The following PARM1 variants were observed in gnomAD, a reference collection of about 807,000 sequenced individuals.
PARM1 encodes the protein prostate androgen-regulated mucin-like protein 1.
A neutral mutation model predicts 24.6 loss-of-function variants in PARM1; 14 were observed. The observed-to-expected ratio is 0.57, with a 90% CI of 0.38 to 0.89. The LOEUF (loss-of-function observed/expected upper bound fraction) is 0.89. Ranked by LOEUF, PARM1 falls within the 40% of genes least tolerant of loss-of-function variation. The pLI, the probability that PARM1 is intolerant of heterozygous loss-of-function variation, is 0.00. For missense variants in PARM1, 362 were observed against 380.4 expected (o/e 0.95, Z 0.40); for synonymous variants, 179 against 156.6 (o/e 1.14, Z -1.07).
intron 1 of PARM1, among the ~76,000 whole-genome samples, chr4:74,945,053 G>T (rs1335950156): frequency 6.6e-6 from 1 of 152,066 alleles, no homozygotes; most frequent in African/African-American, 2.4e-5. Context: ...GGCAATATTA[G>T]GCAACTGCTT....
chr4:75,013,779 A>C (rs11725966), intron 2 of PARM1, among the ~76,000 whole-genome samples: 3 of 152,028 alleles, frequency 2.0e-5, no homozygotes, highest in Non-Finnish European at 4.4e-5. Flanking sequence ...ATTTTACAAG[A>C]TGTCACATCT....
At position 74,946,447 on chromosome 4, in the gene PARM1, T is replaced by C. The variant is rs1293893807; in HGVS notation, c.43+13077T>C. Among the ~76,000 whole-genome samples, 3 of 152,220 alleles carry C rather than the reference T, an allele frequency of 2.0e-5. No individual in the cohort carries two copies. The South Asian group carries it at 6.2e-4, about 32-fold the overall frequency. On this transcript the variant is annotated intron_variant, in intron 1 of 3. Coordinates refer to ENST00000307428, the MANE Select transcript of PARM1 (RefSeq NM_015393.4). ...AGTCTCTTGCCAGTCTTGGGACTTA[T>C]TTAGGCCATGCCAAATTGCCTGCTC...
chr4:74,974,632 G>T (rs1199286468), intron 1 of PARM1, among the ~76,000 whole-genome samples: 2 of 152,178 alleles, frequency 1.3e-5, no homozygotes, highest in Non-Finnish European at 2.9e-5. Flanking sequence ...ACATGTTATT[G>T]TGACCTCCCA....
At chr4:75,005,444 A>G (rs1722752893) in intron 1 of PARM1, among the ~76,000 whole-genome samples, 2 of 152,224 alleles carry the variant, frequency 1.3e-5, no homozygotes, top group South Asian at 4.1e-4. Context: ...CATGGAATCC[A>G]GGAAAAGGTG....
intron 1 of PARM1, among the ~76,000 whole-genome samples, chr4:75,008,867 C>T (rs1029208965): frequency 6.6e-6 from 1 of 152,004 alleles, no homozygotes; most frequent in Admixed American, 6.6e-5. Flanking sequence ...GACTGAGGCT[C>T]TCTCTACCTC....
At chr4:74,976,856 T>A (rs115094203) in intron 1 of PARM1, among the ~76,000 whole-genome samples, 1 of 152,042 alleles carries the variant, frequency 6.6e-6, no homozygotes, top group African/African-American at 2.4e-5. Context: ...CACAGCAGCC[T>A]TACAGAAGAG....
In PARM1 at chr4:75,012,503, T is replaced by A; in HGVS notation, c.122T>A (p.Ile41Asn). The A allele has an allele frequency of 6.2e-7, 1 of 1,613,958 alleles. No individual in the cohort carries two copies. The highest frequency in any genetic ancestry group is 8.5e-7 in the Non-Finnish European group (1 of 1,179,892). ...ACAAACATTGTACCACCGACCACCA[T>A]CTGGACTAGCTCTCCACAAAACACT... ...LPTNIVPPTT[I>N]WTSSPQNTDA... The change falls in exon 2 of 4, where the codon ATC becomes AAC. Residue 41 changes from isoleucine to asparagine, a missense_variant. Coordinates refer to ENST00000307428, the MANE Select transcript of PARM1 (RefSeq NM_015393.4).
intron 3 of PARM1, among the ~76,000 whole-genome samples, chr4:75,041,452 G>C (rs1480281492): frequency 6.6e-6 from 1 of 152,158 alleles, no homozygotes. Flanking sequence ...TGAATGGCAA[G>C]ACTTGCTTGA....
Position 75,048,879 on chromosome 4 carries a change from G to GTATC in PARM1, c.*2634_*2637dup, listed in dbSNP as rs2109821513. ...AGGGTTGAACCTTATTTTGCCAAAT[G>GTATC]TATCTTTTCTGCTTTTGAATTGGGC... On this transcript the variant is annotated 3_prime_UTR_variant, in exon 4 of 4. Transcript: ENST00000307428. The GTATC allele has an allele frequency of 6.5e-6, 1 of 152,714 alleles. No individual in the cohort carries two copies. Among genetic ancestry groups the GTATC allele is most frequent in the East Asian group, 1.9e-4 (1 of 5,192 alleles). The allele number at this position is 152,714 out of a possible 1,614,324, so 9.5% of individuals were successfully genotyped here. A position where few individuals can be genotyped will look rare whatever the true frequency, so the allele number is the denominator to read the frequency against.
chr4:74,976,309 A>G (rs1390549396), intron 1 of PARM1, among the ~76,000 whole-genome samples: 1 of 152,198 alleles, frequency 6.6e-6, no homozygotes, highest in Non-Finnish European at 1.5e-5. Flanking sequence ...AGGAATTCCC[A>G]CAGTGCAGTA....
At chr4:75,032,022 CG>C (rs1489216767) in intron 2 of PARM1, among the ~76,000 whole-genome samples, 1 of 152,140 alleles carries the variant, frequency 6.6e-6, no homozygotes, top group East Asian at 1.9e-4. Context: ...GAACTGACCT[CG>C]GACTTTCTCT....
chr4:75,040,295 T>C lies in PARM1; in HGVS notation c.849-5868T>C, dbSNP rs143739807. ...AACAGATGTGCCAATGTGTAGACCT[T>C]TTCTGTGATGATTGTCTTCCAATAG... is the stretch of plus-strand genomic sequence containing the variant. On this transcript the variant is annotated intron_variant, in intron 3 of 3. Transcript: ENST00000307428. Among the ~76,000 whole-genome samples the C allele has an allele frequency of 2.6e-3, 399 of 152,260 alleles. 4 individuals are homozygous for C. Among genetic ancestry groups the C allele is most frequent in the African/African-American group, 9.2e-3 (384 of 41,538 alleles).
chr4:74,976,222 GGTGATGACCATCACT>G, intron 1 of PARM1, among the ~76,000 whole-genome samples: 1 of 152,196 alleles, frequency 6.6e-6, no homozygotes, highest in Admixed American at 6.5e-5. Flanking sequence ...TGGGGAGAGG[GGTGATGACCATCACT>G]GTGGCTCCAG....
intron 1 of PARM1, among the ~76,000 whole-genome samples, chr4:74,945,362 C>T (rs917512413): frequency 7.2e-5 from 11 of 152,198 alleles, no homozygotes; most frequent in Admixed American, 1.3e-4. Context: ...CACTTTTTAG[C>T]AACAGATAAT....
intron 1 of PARM1, among the ~76,000 whole-genome samples, chr4:74,949,669 T>C (rs1721487024): frequency 6.6e-6 from 1 of 152,168 alleles, no homozygotes; most frequent in Admixed American, 6.5e-5. Flanking sequence ...TTGAAATGTG[T>C]TGTTAGAACA....
chr4:75,031,538 A>G (rs183902739), intron 2 of PARM1, among the ~76,000 whole-genome samples: 2 of 152,256 alleles, frequency 1.3e-5, no homozygotes, highest in Middle Eastern at 3.4e-3. Context: ...AAAAAAAAAA[A>G]AAGATCACAC....
At chr4:75,020,316 C>T (rs554437196) in intron 2 of PARM1, among the ~76,000 whole-genome samples, 33 of 152,286 alleles carry the variant, frequency 2.2e-4, no homozygotes, top group African/African-American at 5.5e-4. Flanking sequence ...GGTCGTCTTA[C>T]GGTGAGTGTC....
chr4:74,939,968 A>G (rs1267723461), intron 1 of PARM1, among the ~76,000 whole-genome samples: 1 of 152,222 alleles, frequency 6.6e-6, no homozygotes. Flanking sequence ...GAACAAGGAA[A>G]TAAGGACCTG....
chr4:75,032,662 C>T lies in PARM1; in HGVS notation c.770-1221C>T, dbSNP rs545009932. ...TTAAAATCATGCAAGATGGATAGAA[C>T]ACTCTTATTCCTCTGTCTCAGCAGG... On this transcript the variant is annotated intron_variant, in intron 2 of 3. Transcript: ENST00000307428. Among the ~76,000 whole-genome samples, 35 of 152,278 alleles carry T rather than the reference C, an allele frequency of 2.3e-4. 1 individual carries two copies. The highest frequency in any genetic ancestry group is 2.0e-3 in the Admixed American group (30 of 15,298).
Sources: allele counts gnomAD v4.1 joint callset (sites outside exome capture counted in the v4.1 genomes callset), GRCh38; gene constraint gnomAD v4.1.1; transcripts MANE v1.5; gene names NCBI Gene and HGNC (gene_info 2026-07-23, HGNC 2026-07-21).